C2orf92: variants seen among roughly 807,000 people sequenced by gnomAD.
C2orf92 encodes the protein chromosome 2 open reading frame 92.
At chr2:97,693,210 T>G (rs1676197709) in intron 5 of C2orf92, among the ~76,000 whole-genome samples, 1 of 152,212 alleles carries the variant, frequency 6.6e-6, no homozygotes, top group Non-Finnish European at 1.5e-5. Flanking sequence ...ATACCATCTT[T>G]TCTTTATCCA....
intron 3 of C2orf92, among the ~76,000 whole-genome samples, chr2:97,688,553 T>C (rs1026874859): frequency 1.3e-5 from 2 of 152,206 alleles, no homozygotes; most frequent in Admixed American, 1.3e-4. Context: ...CTTTACCCTA[T>C]TTTTATGAGT....
At chr2:97,665,733 CTCTCTATATA>C (rs1420497065), upstream of C2orf92, 53 of 19,752 alleles carry the variant, frequency 2.7e-3, no homozygotes, top group East Asian at 6.8e-3. Context: ...CTCTCTCTCT[CTCTCTATATA>C]TATATATATA....
At chr2:97,701,493 G>C (rs1676495474) in intron 7 of C2orf92, among the ~76,000 whole-genome samples, 189 bp downstream of exon 7, 1 of 152,200 alleles carries the variant, frequency 6.6e-6, no homozygotes, top group South Asian at 2.1e-4. Flanking sequence ...GGCACAGCCT[G>C]GGTGATTCTG....
rs78290686 is a variant in C2orf92 at position 97,694,214 on chromosome 2, G to A, written c.403+3887G>A. On this transcript the variant is annotated intron_variant, in intron 5 of 7. Transcript: ENST00000627399. ...TGTCCTCAAGGTTCATCCATGTTGT[G>A]GCATATTTCAAAATGTCCTTTCTTT... Among the ~76,000 whole-genome samples the A allele has an allele frequency of 7.9e-5, 12 of 151,246 alleles. No homozygotes were observed. The East Asian group carries it at 2.3e-3, about 29-fold the overall frequency.
chr2:97,688,008 TG>T (rs1676018754), intron 3 of C2orf92, among the ~76,000 whole-genome samples: 1 of 151,500 alleles, frequency 6.6e-6, no homozygotes, highest in Admixed American at 6.6e-5. Flanking sequence ...CATCTGAAGA[TG>T]GGAGTCTGGT....
intron 3 of C2orf92, among the ~76,000 whole-genome samples, chr2:97,687,342 G>C (rs1424493300): frequency 1.3e-5 from 2 of 152,166 alleles, no homozygotes; most frequent in African/African-American, 4.8e-5. Context: ...AGTTCAGCTT[G>C]GGTGACACAG....
intron 3 of C2orf92, among the ~76,000 whole-genome samples, chr2:97,680,253 C>T (rs1269195439): frequency 6.6e-6 from 1 of 152,124 alleles, no homozygotes. Context: ...GAGCCGAGAT[C>T]ATGCCACTGC....
At chr2:97,697,414 A>G (rs1183773020) in intron 5 of C2orf92, 1 of 152,180 alleles carries the variant, frequency 6.6e-6, no homozygotes, top group Non-Finnish European at 1.5e-5. Flanking sequence ...TTCCCGTGTC[A>G]GGTCTACCAT....
In C2orf92 at chr2:97,675,987, C is replaced by T. The variant is rs899910885; in HGVS notation, c.232+59C>T. The T allele has an allele frequency of 4.8e-5, 19 of 398,798 alleles. No individual in the cohort carries two copies. The East Asian group carries it at 6.8e-4, about 14-fold the overall frequency. The allele number at this position is 398,798 out of a possible 1,614,324, so 24.7% of individuals were successfully genotyped here. A position where few individuals can be genotyped will look rare whatever the true frequency, so the allele number is the denominator to read the frequency against. On this transcript the variant is annotated intron_variant, in intron 3 of 7. Transcript: ENST00000627399. ...GTGTTTGAAGAGTTGCATGCTTGTC[C>T]CTGGTTGTCTCTCAAGTAGCCTGTT...
chr2:97,698,316 A>G (rs1342683556), intron 5 of C2orf92, among the ~76,000 whole-genome samples: 1 of 152,158 alleles, frequency 6.6e-6, no homozygotes, highest in African/African-American at 2.4e-5. Context: ...GATTTTCTCC[A>G]AGCTAAACTC....
upstream of C2orf92, among the ~76,000 whole-genome samples, chr2:97,665,209 A>G (rs889210554): frequency 5.3e-5 from 8 of 152,238 alleles, no homozygotes; most frequent in Admixed American, 2.6e-4. Context: ...AAACGGATCC[A>G]TAGTTATTTC....
At chr2:97,675,226 A>G (rs558560092) in intron 2 of C2orf92, among the ~76,000 whole-genome samples, 17 of 152,372 alleles carry the variant, frequency 1.1e-4, no homozygotes, top group Admixed American at 1.1e-3. Flanking sequence ...AGTTATCAGA[A>G]TAAGCCAGCT....
At chr2:97,695,739 T>C (rs1676285464) in intron 5 of C2orf92, among the ~76,000 whole-genome samples, 1 of 150,302 alleles carries the variant, frequency 6.7e-6, no homozygotes, top group African/African-American at 2.4e-5. Flanking sequence ...TTATTTTCTT[T>C]CTTTTCTTTT....
rs1284181321 is a variant in C2orf92 at position 97,699,901 on chromosome 2, T to TA, written c.514+766dup. ...CTGCTGGATACGCTGCCTCTTGGCA[T>TA]AGCATAGCTGAAGGTAGGAGGCTGG... On this transcript the variant is annotated intron_variant, in intron 6 of 7. Transcript: ENST00000627399. Among the ~76,000 whole-genome samples the TA allele has an allele frequency of 2.0e-5, 3 of 152,384 alleles. No homozygotes were observed. The East Asian group carries it at 5.8e-4, about 29-fold the overall frequency.
At chr2:97,696,903 A>G (rs1037880807) in intron 5 of C2orf92, among the ~76,000 whole-genome samples, 3 of 152,250 alleles carry the variant, frequency 2.0e-5, no homozygotes, top group African/African-American at 4.8e-5. Context: ...GGAACATAGC[A>G]TCAGTCCTAG....
intron 5 of C2orf92, among the ~76,000 whole-genome samples, chr2:97,697,098 T>C (rs547519520): frequency 6.6e-6 from 1 of 152,344 alleles, no homozygotes; most frequent in South Asian, 2.1e-4. Context: ...CAGCTTGGGT[T>C]GAGCCTACAC....
chr2:97,688,613 A>T (rs2104578080), intron 3 of C2orf92, among the ~76,000 whole-genome samples: 1 of 152,284 alleles, frequency 6.6e-6, no homozygotes, highest in Admixed American at 6.5e-5. Context: ...CAGAAACCAG[A>T]AGAGTTATTA....
In C2orf92 at chr2:97,701,296, A is replaced by T; in HGVS notation, c.657A>T (p.Lys219Asn). The change falls in exon 7 of 8, where the codon AAA (lysine) becomes AAT (asparagine). Residue 219 changes from lysine (K) to asparagine (N), a missense_variant. Coordinates refer to ENST00000627399, the MANE Select transcript of C2orf92 (RefSeq NM_001351368.2). ...GGTTGGCCTCATACATCAGGAAGAA[A>T]CAGCCATCGTGCGTGGTGCTGGCAT... ...LLGLASYIRK[K>N]QPSSPLANTT... 2 of 399,026 alleles carry T rather than the reference A, an allele frequency of 5.0e-6. No individual in the cohort carries two copies. Among genetic ancestry groups the T allele is most frequent in the Non-Finnish European group, 8.8e-6 (2 of 226,056 alleles). 24.7% of individuals were successfully genotyped at this position (399,026 alleles called of 1,614,324 possible). A position where few individuals can be genotyped will look rare whatever the true frequency, so the allele number is the denominator to read the frequency against.
At chr2:97,695,514 C>A (rs756288704) in intron 5 of C2orf92, among the ~76,000 whole-genome samples, 12 of 152,022 alleles carry the variant, frequency 7.9e-5, no homozygotes, top group African/African-American at 2.9e-4. Context: ...TGTATCTTCA[C>A]CCTTGAATAA....
Sources: gnomAD v4.1 joint callset for allele counts (sites outside exome capture counted in the v4.1 genomes callset) on GRCh38, gnomAD v4.1.1 for gene constraint, MANE v1.5 for transcripts, NCBI Gene and HGNC (gene_info 2026-07-23, HGNC 2026-07-21) for gene names.